CHN1: variants seen among roughly 807,000 people sequenced by gnomAD.
CHN1 encodes the protein N-chimaerin.
In CHN1, 37 loss-of-function variants were observed where a neutral mutation model predicts 59.5. The ratio of observed to expected loss-of-function variants is 0.62; its 90% CI spans 0.48 to 0.82. The LOEUF is 0.82. Ranked by LOEUF, CHN1 falls within the 40% of genes least tolerant of loss-of-function variation. CHN1 has a pLI of 0.00. For missense variants in CHN1, 469 were observed against 571.0 expected, an observed-to-expected ratio of 0.82 and a Z score of 1.82; for synonymous variants, 206 against 200.4, an observed-to-expected ratio of 1.03 and a Z score of -0.24.
intron 8 of CHN1, among the ~76,000 whole-genome samples, chr2:174,820,418 A>C (rs956622065): frequency 6.6e-6 from 1 of 152,184 alleles, no homozygotes; most frequent in East Asian, 1.9e-4. Flanking sequence ...TCTGATGGCC[A>C]GTGATGATGA....
chr2:174,878,204 A>G (rs1436050785), intron 5 of CHN1, 76 bp from the exon 6 acceptor site: 2 of 1,265,600 alleles, frequency 1.6e-6, no homozygotes, highest in Non-Finnish European at 2.1e-6. Flanking sequence ...AAACAAAAAC[A>G]AAAAAAAACT....
At chr2:174,855,926 A>G (rs961080012) in intron 6 of CHN1, among the ~76,000 whole-genome samples, 3 of 152,116 alleles carry the variant, frequency 2.0e-5, no homozygotes, top group Admixed American at 2.0e-4. Flanking sequence ...TTTGACTTCA[A>G]ATTGTCTCTC....
At position 174,895,556 on chromosome 2, in the gene CHN1, TAA is replaced by T. The variant is rs965361487; in HGVS notation, c.261-17430_261-17429del. Among the ~76,000 whole-genome samples, 15 of 151,920 alleles carry T rather than the reference TAA, an allele frequency of 9.9e-5. 1 individual carries two copies. The highest frequency in any genetic ancestry group is 3.3e-4 in the Admixed American group (5 of 15,250). ...TAATTGCACTTAAAAATTATTAAGT[TAA>T]AAAAGATAAATAAGCAAGTTCAGAA... On this transcript the variant is annotated intron_variant, in intron 5 of 12. Transcript: ENST00000409900.
chr2:174,967,264 G>A (rs1419447363), intron 1 of CHN1, among the ~76,000 whole-genome samples: 1 of 152,086 alleles, frequency 6.6e-6, no homozygotes, highest in Admixed American at 6.5e-5. Flanking sequence ...GGCATGCAGG[G>A]AGGATTGCTC....
At chr2:174,986,719 C>A (rs1161121343) in intron 1 of CHN1, among the ~76,000 whole-genome samples, 1 of 152,166 alleles carries the variant, frequency 6.6e-6, no homozygotes, top group Non-Finnish European at 1.5e-5. Context: ...CAATAAATAT[C>A]TTTTCCTTAT....
intron 1 of CHN1, among the ~76,000 whole-genome samples, chr2:174,984,517 T>C (rs563141978): frequency 2.6e-5 from 4 of 152,036 alleles, no homozygotes; most frequent in Admixed American, 1.3e-4. Flanking sequence ...TACAGGTGTG[T>C]ACCACCACAC....
intron 3 of CHN1, among the ~76,000 whole-genome samples, chr2:174,928,263 C>T (rs1467497184): frequency 2.6e-5 from 4 of 152,208 alleles, no homozygotes; most frequent in African/African-American, 7.2e-5. Context: ...TCTATATATA[C>T]ACTGCTATCA....
chr2:174,842,307 A>T (rs1486946512), intron 7 of CHN1, among the ~76,000 whole-genome samples: 1 of 152,204 alleles, frequency 6.6e-6, no homozygotes, highest in East Asian at 1.9e-4. Flanking sequence ...TCTGAATACG[A>T]CATTTCACTG....
intron 1 of CHN1, among the ~76,000 whole-genome samples, chr2:174,959,718 A>C (rs1003316077): frequency 6.6e-6 from 1 of 152,204 alleles, no homozygotes; most frequent in Non-Finnish European, 1.5e-5. Flanking sequence ...GGTCACACAA[A>C]AAGCTTCTGC....
chr2:174,898,742 C>T (rs1688295282), intron 5 of CHN1, among the ~76,000 whole-genome samples: 1 of 152,076 alleles, frequency 6.6e-6, no homozygotes, highest in African/African-American at 2.4e-5. Flanking sequence ...TATCTGGGCA[C>T]AATACTATAA....
intron 1 of CHN1, among the ~76,000 whole-genome samples, chr2:174,993,200 C>CA (rs1489986717): frequency 6.6e-6 from 1 of 151,538 alleles, no homozygotes; most frequent in Admixed American, 6.6e-5. Context: ...ATAATTCCCC[C>CA]ACCCTTGATG....
At chr2:175,004,442 A>C (rs1213523354) in intron 1 of CHN1, among the ~76,000 whole-genome samples, 1 of 152,212 alleles carries the variant, frequency 6.6e-6, no homozygotes, top group Non-Finnish European at 1.5e-5. Context: ...TCCAAAAAAA[A>C]AATTCCCCAA....
intron 1 of CHN1, among the ~76,000 whole-genome samples, chr2:175,000,858 G>T (rs1231503692): frequency 6.6e-6 from 1 of 152,152 alleles, no homozygotes; most frequent in African/African-American, 2.4e-5. Flanking sequence ...GTGCCAGGAG[G>T]CATGGGCCAC....
chr2:174,831,305 G>T (rs778382398), intron 7 of CHN1, among the ~76,000 whole-genome samples: 1 of 152,018 alleles, frequency 6.6e-6, no homozygotes, highest in African/African-American at 2.4e-5. Context: ...CCCAATCACC[G>T]CTATGTTTTT....
At chr2:174,966,607 C>T (rs1559001733) in intron 1 of CHN1, among the ~76,000 whole-genome samples, 1 of 152,178 alleles carries the variant, frequency 6.6e-6, no homozygotes, top group Non-Finnish European at 1.5e-5. Context: ...CAAAGTCCTT[C>T]TGCTTACTCA....
rs562022132 is a variant in CHN1, at chr2:174,841,939, T to C, written c.627+4941A>G. ...TGAGCATTTAAAATATGTACACAGA[T>C]TCTCTAGTCAATATCAGATAACATG... On this transcript the variant is annotated intron_variant, in intron 7 of 12. Coordinates refer to ENST00000409900, the MANE Select transcript of CHN1 (RefSeq NM_001822.7). Among the ~76,000 whole-genome samples the C allele has an allele frequency of 4.6e-5, 7 of 152,358 alleles. No homozygotes were observed. The South Asian group carries it at 1.4e-3, about 32-fold the overall frequency.
rs151267113 is a variant in CHN1 at position 174,975,386 on chromosome 2, C to A, written c.20-23184G>T. On this transcript the variant is annotated intron_variant, in intron 1 of 12. Coordinates refer to ENST00000409900, the MANE Select transcript of CHN1 (RefSeq NM_001822.7). ...CATCTAAATTCACTAATTGTTAGTA[C>A]TTTGTCCTATTTGTTCTCCCTTCTC... is the stretch of plus-strand genomic sequence containing the variant. 4.8e-3 allele frequency among the ~76,000 whole-genome samples: 735 copies of A among 152,094 alleles called. 3 individuals carry two copies. Among genetic ancestry groups the A allele is most frequent in the African/African-American group, 0.017 (695 of 41,498 alleles).
chr2:174,918,989 C>T (rs1376641562), intron 3 of CHN1, among the ~76,000 whole-genome samples: 1 of 152,112 alleles, frequency 6.6e-6, no homozygotes, highest in African/African-American at 2.4e-5. Flanking sequence ...ATACTCTTAC[C>T]CTTCTGTTGT....
At chr2:174,897,056 T>G (rs1361519954) in intron 5 of CHN1, among the ~76,000 whole-genome samples, 3 of 152,102 alleles carry the variant, frequency 2.0e-5, no homozygotes, top group South Asian at 2.1e-4. Context: ...TATTGATAGA[T>G]TCTGGCAAAT....
Sources: allele counts gnomAD v4.1 joint callset (sites outside exome capture counted in the v4.1 genomes callset), GRCh38; gene constraint gnomAD v4.1.1; transcripts MANE v1.5; gene names NCBI Gene and HGNC (gene_info 2026-07-23, HGNC 2026-07-21).